The following TLL1 variants were observed in gnomAD, a reference collection of about 807,000 sequenced individuals.
TLL1 encodes the protein tolloid-like protein 1.
Under a neutral mutation model 128.2 loss-of-function variants are expected in TLL1, and 49 were observed. The observed-to-expected ratio is 0.38, with a 90% CI of 0.30 to 0.48. TLL1 has a LOEUF of 0.48. Ranked by LOEUF, TLL1 falls within the 20% of genes least tolerant of loss-of-function variation. TLL1 has a pLI of 0.96. For missense variants in TLL1, 1,123 were observed against 1,242.0 expected, an observed-to-expected ratio of 0.90 and a Z score of 1.44; for synonymous variants, 454 against 418.8, an observed-to-expected ratio of 1.08 and a Z score of -1.03.
In TLL1 at chr4:165,945,835, C is replaced by T. The variant is rs1374821009; in HGVS notation, c.170-43546C>T. ...CACAGGCTGTTCAGTCAAGCTAATC[C>T]AGGTACAGTACTGCTCTGAAGGGAC... On this transcript the variant is annotated intron_variant, in intron 1 of 20. Coordinates refer to ENST00000061240, the MANE Select transcript of TLL1 (RefSeq NM_012464.5). 2.0e-5 allele frequency among the ~76,000 whole-genome samples: 3 copies of T among 152,080 alleles called. No individual in the cohort carries two copies. In the East Asian group the frequency reaches 5.8e-4, roughly 29 times the overall value.
rs61531425 is a variant in TLL1 at position 165,916,837 on chromosome 4, T to A, written c.169+42764T>A. 8.1e-3 allele frequency among the ~76,000 whole-genome samples: 1,226 copies of A among 152,190 alleles called. 11 individuals are homozygous for A. The highest frequency in any genetic ancestry group is 0.027 in the African/African-American group (1,136 of 41,522). On this transcript the variant is annotated intron_variant, in intron 1 of 20. Transcript: ENST00000061240. ...CGATTTTAGCATTTGCCCAAGAATT[T>A]TTGCATGAATGCCAGAAAAATCATG...
In TLL1 at chr4:166,042,008, A is replaced by G. The variant is rs769992178; in HGVS notation, c.1262-19A>G. On this transcript the variant is annotated intron_variant, in intron 10 of 20. Transcript: ENST00000061240. ...GAGTCCTATTTAGGAGTTTCTCTTT[A>G]TTCTTTTATTTCTTTTAGGTAGATT... 2.6e-6 allele frequency: 4 copies of G among 1,550,354 alleles called. No homozygotes were observed. Among genetic ancestry groups the G allele is most frequent in the Non-Finnish European group, 2.7e-6 (3 of 1,123,538 alleles).
chr4:166,063,173 G>A (rs1740413894), intron 15 of TLL1, among the ~76,000 whole-genome samples: 2 of 152,194 alleles, frequency 1.3e-5, no homozygotes, highest in African/African-American at 2.4e-5. Context: ...ATCAAAAAGT[G>A]GGCGAAGGAT....
At chr4:165,983,383 T>A (rs1736241487) in intron 1 of TLL1, among the ~76,000 whole-genome samples, 1 of 151,910 alleles carries the variant, frequency 6.6e-6, no homozygotes, top group Admixed American at 6.6e-5. Context: ...AATGTAAAAT[T>A]ACGTTAAAAC....
chr4:165,904,002 A>C lies in TLL1; in HGVS notation c.169+29929A>C, dbSNP rs144232150. ...TTAGTCTTTTTATATTATACGTTTA[A>C]CAAACGCTAGTTTCTTGTTGCTGAT... On this transcript the variant is annotated intron_variant, in intron 1 of 20. Transcript: ENST00000061240. Among the ~76,000 whole-genome samples, 6 of 152,274 alleles carry C rather than the reference A, an allele frequency of 3.9e-5. No individual in the cohort carries two copies. In the East Asian group the frequency reaches 1.2e-3, roughly 29 times the overall value.
At position 166,073,679 on chromosome 4, in the gene TLL1, A is replaced by G. The variant is rs557762839; in HGVS notation, c.2189-1199A>G. 2.0e-4 allele frequency among the ~76,000 whole-genome samples: 30 copies of G among 152,278 alleles called. No homozygotes were observed. The South Asian group carries it at 5.8e-3, about 29-fold the overall frequency. On this transcript the variant is annotated intron_variant, in intron 16 of 20. Coordinates refer to ENST00000061240, the MANE Select transcript of TLL1 (RefSeq NM_012464.5). ...ATGCATTCATATCACCTGTAAGCAC[A>G]TGTGTCATGTAATCCATCTTCAAAT... is the stretch of plus-strand genomic sequence containing the variant.
At chr4:166,074,528 AT>A (rs1183024065) in intron 16 of TLL1, among the ~76,000 whole-genome samples, 5 of 151,936 alleles carry the variant, frequency 3.3e-5, no homozygotes. Flanking sequence ...TTTTAAATTT[AT>A]TTTTTTAAAT....
intron 8 of TLL1, among the ~76,000 whole-genome samples, chr4:166,024,298 G>A (rs771487644): frequency 6.6e-6 from 1 of 152,106 alleles, no homozygotes; most frequent in Non-Finnish European, 1.5e-5. Context: ...TTTAACACAA[G>A]CTAGAAGATC....
intron 1 of TLL1, among the ~76,000 whole-genome samples, chr4:165,904,155 C>G (rs1204965882): frequency 2.6e-5 from 4 of 152,030 alleles, no homozygotes; most frequent in Admixed American, 2.6e-4. Context: ...GAGTCTAGAA[C>G]AGTTAAAATC....
chr4:165,999,771 G>T (rs1025635426), intron 5 of TLL1, among the ~76,000 whole-genome samples: 2 of 151,864 alleles, frequency 1.3e-5, no homozygotes, highest in Non-Finnish European at 2.9e-5. Context: ...ACCATGCTCA[G>T]CCCTGGAAAA....
intron 1 of TLL1, among the ~76,000 whole-genome samples, chr4:165,944,473 G>T (rs1025915496): frequency 6.6e-6 from 1 of 152,144 alleles, no homozygotes; most frequent in Admixed American, 6.6e-5. Context: ...ATAATGGGTG[G>T]CAGGACTATG....
intron 12 of TLL1, among the ~76,000 whole-genome samples, chr4:166,045,275 C>G (rs1167211941): frequency 6.6e-6 from 1 of 152,078 alleles, no homozygotes; most frequent in Non-Finnish European, 1.5e-5. Flanking sequence ...CTTTACATGA[C>G]CAAAACCGAA....
At chr4:166,016,030 T>C (rs914140790) in intron 8 of TLL1, among the ~76,000 whole-genome samples, 1 of 152,020 alleles carries the variant, frequency 6.6e-6, no homozygotes, top group Non-Finnish European at 1.5e-5. Context: ...TATAAATATA[T>C]GTCTGCCTAA....
intron 1 of TLL1, among the ~76,000 whole-genome samples, chr4:165,969,887 T>C (rs1735558436): frequency 6.6e-6 from 1 of 152,160 alleles, no homozygotes; most frequent in Non-Finnish European, 1.5e-5. Flanking sequence ...ATTCTTATCA[T>C]ATCAAGTATA....
intron 1 of TLL1, among the ~76,000 whole-genome samples, chr4:165,955,250 AAAG>A (rs1351469840): frequency 2.0e-5 from 3 of 152,028 alleles, no homozygotes; most frequent in Admixed American, 6.6e-5. Context: ...AAGAAAGAAA[AAAG>A]AAATTATAAA....
chr4:165,933,184 T>A (rs1037985589), intron 1 of TLL1, among the ~76,000 whole-genome samples: 5 of 152,206 alleles, frequency 3.3e-5, no homozygotes, highest in African/African-American at 1.2e-4. Flanking sequence ...TGCCTCATTC[T>A]GCATAATTGT....
At chr4:166,027,991 A>G (rs949114618) in intron 9 of TLL1, among the ~76,000 whole-genome samples, 1 of 152,148 alleles carries the variant, frequency 6.6e-6, no homozygotes, top group Admixed American at 6.5e-5. Flanking sequence ...ACGATTAGCA[A>G]ATAAATTGGA....
intron 1 of TLL1, among the ~76,000 whole-genome samples, chr4:165,916,632 A>G (rs559994411): frequency 5.3e-5 from 8 of 152,316 alleles, no homozygotes; most frequent in South Asian, 4.1e-4. Context: ...ACTTTGCTGC[A>G]TGATTGAAAA....
intron 12 of TLL1, among the ~76,000 whole-genome samples, chr4:166,045,619 C>A (rs1350357639): frequency 6.6e-6 from 1 of 152,076 alleles, no homozygotes; most frequent in Non-Finnish European, 1.5e-5. Context: ...TATGACACTG[C>A]GCTACTGACA....
Sources: allele counts gnomAD v4.1 joint callset (sites outside exome capture counted in the v4.1 genomes callset), GRCh38; gene constraint gnomAD v4.1.1; transcripts MANE v1.5; gene names NCBI Gene and HGNC (gene_info 2026-07-23, HGNC 2026-07-21).